The following LAGE3 variants were observed in gnomAD, a reference collection of about 807,000 sequenced individuals.
LAGE3 encodes the protein L antigen family member 3.
Under a neutral mutation model 4.4 loss-of-function variants are expected in LAGE3, and 2 were observed. That is an observed-to-expected ratio of 0.46 (90% confidence interval 0.19 to 1.44). LAGE3 has a LOEUF of 1.44. LAGE3 is among the 40% of genes most tolerant of loss of function. The pLI is 0.26. For synonymous variants in LAGE3, 79 were observed against 60.0 expected (o/e 1.32, Z -1.47); for missense variants, 152 against 138.1 (o/e 1.10, Z -0.51).
chrX:154,478,780 C>T lies in LAGE3; in HGVS notation c.136G>A (p.Gly46Ser), dbSNP rs782717564. Residue 46 changes from glycine (G) to serine (S), a missense_variant, in exon 1 of 3, where the codon GGC becomes AGC. Physicochemically the swap from Gly to Ser is moderately conservative, Grantham distance 56. Coordinates refer to ENST00000357360, the MANE Select transcript of LAGE3 (RefSeq NM_006014.5). Reference protein sequence around the residue: ...GAPPAHAPGPGRDAASAARGS... With the variant: ...GAPPAHAPGPSRDAASAARGS... ...CTGGCCGCAGACGCGGCGTCTCTGCCCGGACCTGGCGCGTGCGCTGGGGGA... is the reference window on the plus strand; with the variant it reads ...CTGGCCGCAGACGCGGCGTCTCTGCTCGGACCTGGCGCGTGCGCTGGGGGA... 1.5e-5 allele frequency: 17 copies of T among 1,134,937 alleles called. 1 individual carries two copies. The South Asian group carries it at 3.1e-4, about 21-fold the overall frequency. 93.5% of individuals were successfully genotyped at this position (1,134,937 alleles called of 1,213,427 possible).
In LAGE3 at chrX:154,478,063, AAGTG is replaced by A. The variant is rs782691932; in HGVS notation, c.318-9_318-6del. On this transcript the variant is annotated splice_region_variant and splice_polypyrimidine_tract_variant and intron_variant, in intron 2 of 2. Transcript: ENST00000357360. ...CAGTCTTCAGCTTTCCAGCGGCTAAAAGTGAGGGGAAAAGAAAATCAAATTGGAG... is the reference window on the plus strand; with the variant it reads ...CAGTCTTCAGCTTTCCAGCGGCTAAAAGGGGAAAAGAAAATCAAATTGGAG... 1.2e-5 allele frequency: 14 copies of A among 1,194,648 alleles called. No homozygotes were observed. In the African/African-American group the frequency reaches 1.9e-4, roughly 16 times the overall value.
At position 154,478,786 on chromosome X, in the gene LAGE3, C is replaced by G. The variant is rs2069254694; in HGVS notation, c.130G>C (p.Gly44Arg). The G allele has an allele frequency of 1.8e-6, 2 of 1,137,338 alleles. No individual in the cohort carries two copies. The highest frequency in any genetic ancestry group is 3.7e-5 in the African/African-American group (2 of 53,789). 93.7% of individuals were successfully genotyped at this position (1,137,338 alleles called of 1,213,427 possible). ...GCAGACGCGGCGTCTCTGCCCGGAC[C>G]TGGCGCGTGCGCTGGGGGAGCTCCA... The part of the protein sequence containing the change: ...AGGAPPAHAP[G>R]PGRDAASAAR... The change falls in exon 1 of 3, where the codon GGT (glycine) becomes CGT (arginine). Residue 44 changes from glycine to arginine, a missense_variant. Physicochemically the swap from Gly to Arg is moderately radical, Grantham distance 125. Transcript: ENST00000357360.
chrX:154,478,741 G>T lies in LAGE3; in HGVS notation c.175C>A (p.Arg59=), dbSNP rs782330486. 223 of 1,087,213 alleles carry T rather than the reference G, an allele frequency of 2.1e-4. 1 individual carries two copies. Among genetic ancestry groups the T allele is most frequent in the Non-Finnish European group, 1.6e-4 (131 of 843,836 alleles). 89.6% of individuals were successfully genotyped at this position (1,087,213 alleles called of 1,213,427 possible). A position where few individuals can be genotyped will look rare whatever the true frequency, so the allele number is the denominator to read the frequency against. ...CGGAAAGGATACAATATGTGCGGCC[G>T]CATTCGTGACCCCCTGGCCGCAGAC... is the stretch of plus-strand genomic sequence containing the variant. ...AASAARGSRM[R]PHIFTLSVPF... The change falls in exon 1 of 3, where the codon CGG becomes AGG. Residue 59 remains arginine, a synonymous_variant. Transcript: ENST00000357360.
In LAGE3 at chrX:154,478,329, T is replaced by G; in HGVS notation, c.271A>C (p.Arg91=). The G allele has an allele frequency of 8.3e-7, 1 of 1,209,773 alleles. No homozygotes were observed. Among genetic ancestry groups the G allele is most frequent in the East Asian group, 3.0e-5 (1 of 33,804 alleles). ...SLAPDAEPHQ[R]VVGKDLTVSG... is the part of the protein sequence containing the mutation. Reference sequence around the variant, plus strand: ...ACTGTGAGATCCTTCCCAACCACCCTTTGGTGGGGCTCGGCATCTGGTGCC... The same window carrying G: ...ACTGTGAGATCCTTCCCAACCACCCGTTGGTGGGGCTCGGCATCTGGTGCC... Residue 91 remains arginine, a synonymous_variant, in exon 2 of 3, where the codon AGG becomes CGG. Coordinates refer to ENST00000357360, the MANE Select transcript of LAGE3 (RefSeq NM_006014.5).
chrX:154,478,905 G>A lies in LAGE3; in HGVS notation c.11C>T (p.Ala4Val), dbSNP rs2069256296. The A allele has an allele frequency of 7.1e-6, 7 of 979,775 alleles. No individual in the cohort carries two copies. Among genetic ancestry groups the A allele is most frequent in the Non-Finnish European group, 9.0e-6 (7 of 774,721 alleles). The allele number at this position is 979,775 out of a possible 1,213,427, so 80.7% of individuals were successfully genotyped here. The stretch of plus-strand genomic sequence containing the variant: ...AGCGCCTCCGCCTGCGTCTGCATCC[G>A]CGTCCCGCATGACCGCCGCCGCGCC... MRD[A>V]DADAGGGADG... The change falls in exon 1 of 3, where the codon GCG becomes GTG. Residue 4 changes from alanine to valine, a missense_variant. Physicochemically the swap from Ala to Val is moderately conservative, Grantham distance 64. Transcript: ENST00000357360.
chrX:154,478,655 C>G, intron 1 of LAGE3, 73 bp downstream of exon 1: 2 of 921,084 alleles, frequency 2.2e-6, no homozygotes, highest in Non-Finnish European at 2.8e-6. Flanking sequence ...CGGCCCCCCG[C>G]CCGCCCTCCT....
At chrX:154,478,140 C>G in intron 2 of LAGE3, 82 bp from the exon 3 acceptor site, 17 of 1,111,030 alleles carry the variant, frequency 1.5e-5, no homozygotes, top group Non-Finnish European at 2.0e-5. Context: ...CCCAATATAG[C>G]AAACCCTTGG....
intron 1 of LAGE3, 81 bp downstream of exon 1, chrX:154,478,632 CTACCCTTTCCGTCGG>C: frequency 1.7e-6 from 1 of 598,994 alleles, no homozygotes; most frequent in Non-Finnish European, 2.3e-6. Flanking sequence ...TCCCCCCCTG[CTACCCTTTCCGTCGG>C]CCCCCCGCCC....
Position 154,478,077 on chromosome X carries a change from G to GA in LAGE3, c.318-20dup, listed in dbSNP as rs782275622. Reference sequence around the variant, plus strand: ...CCAGCGGCTAAAAGTGAGGGGAAAAGAAAATCAAATTGGAGGTGGCAACTC... The same window carrying GA: ...CCAGCGGCTAAAAGTGAGGGGAAAAGAAAAATCAAATTGGAGGTGGCAACTC... On this transcript the variant is annotated intron_variant, in intron 2 of 2. Transcript: ENST00000357360. 5.9e-6 allele frequency: 7 copies of GA among 1,182,874 alleles called. No individual in the cohort carries two copies. The highest frequency in any genetic ancestry group is 8.0e-6 in the Non-Finnish European group (7 of 870,368).
chrX:154,478,788 G>A lies in LAGE3; in HGVS notation c.128C>T (p.Pro43Leu). 8.8e-7 allele frequency: 1 copy of A among 1,138,693 alleles called. No individual in the cohort carries two copies. The highest frequency in any genetic ancestry group is 1.2e-6 in the Non-Finnish European group (1 of 867,275). The allele number at this position is 1,138,693 out of a possible 1,213,427, so 93.8% of individuals were successfully genotyped here. The change falls in exon 1 of 3, where the codon CCA (proline) becomes CTA (leucine). Residue 43 changes from proline (P) to leucine (L), a missense_variant. Physicochemically the swap from Pro to Leu is moderately conservative, Grantham distance 98. Transcript: ENST00000357360. ...PAGGAPPAHA[P>L]GPGRDAASAA... ...AGACGCGGCGTCTCTGCCCGGACCT[G>A]GCGCGTGCGCTGGGGGAGCTCCACC...
At chrX:154,478,092 G>A in intron 2 of LAGE3, 34 bp from the exon 3 acceptor site, 1 of 1,144,158 alleles carries the variant, frequency 8.7e-7, no homozygotes, top group Non-Finnish European at 1.2e-6. Flanking sequence ...TCAAATTGGA[G>A]GTGGCAACTC....
At position 154,478,866 on chromosome X, in the gene LAGE3, C is replaced by T. The variant is rs782788929; in HGVS notation, c.50G>A (p.Gly17Asp). 230 of 1,016,606 alleles carry T rather than the reference C, an allele frequency of 2.3e-4. No homozygotes were observed. The highest frequency in any genetic ancestry group is 2.6e-4 in the Non-Finnish European group (211 of 804,885). The allele number at this position is 1,016,606 out of a possible 1,213,427, so 83.8% of individuals were successfully genotyped here. A position where few individuals can be genotyped will look rare whatever the true frequency, so the allele number is the denominator to read the frequency against. The change falls in exon 1 of 3, where the codon GGC (glycine) becomes GAC (aspartate). Residue 17 changes from glycine (G) to aspartate (D), a missense_variant. Gly to Asp is a moderately conservative substitution (Grantham distance 94). Transcript: ENST00000357360. Reference sequence around the variant, plus strand: ...CCCGCGGCAGCTGTGGCCACCCCGGCCATCCCCGCCGTCAGCGCCTCCGCC... The same window carrying T: ...CCCGCGGCAGCTGTGGCCACCCCGGTCATCCCCGCCGTCAGCGCCTCCGCC... ...DAGGGADGGD[G>D]RGGHSCRGGV...
chrX:154,478,011 T>C lies in LAGE3; in HGVS notation c.365A>G (p.Asn122Ser), dbSNP rs781909146. 2.5e-6 allele frequency: 3 copies of C among 1,212,219 alleles called. No individual in the cohort carries two copies. The highest frequency in any genetic ancestry group is 3.4e-6 in the Non-Finnish European group (3 of 895,497). The change falls in exon 3 of 3, where the codon AAC becomes AGC. Residue 122 changes from asparagine to serine, a missense_variant. By Grantham distance (46) the Asn-to-Ser change is conservative. Coordinates refer to ENST00000357360, the MANE Select transcript of LAGE3 (RefSeq NM_006014.5). ...DCRLLRISVI[N>S]FLDQLSLVVR... Reference sequence around the variant, plus strand: ...CACCAGGGAAAGCTGGTCAAGAAAGTTGATGACGGAAATTCGGAGCAGGCG... The same window carrying C: ...CACCAGGGAAAGCTGGTCAAGAAAGCTGATGACGGAAATTCGGAGCAGGCG...
chrX:154,479,144 ACT>A lies in LAGE3; in HGVS notation c.-231_-230del. 2 of 287,129 alleles carry A rather than the reference ACT, an allele frequency of 7.0e-6. No individual in the cohort carries two copies. The highest frequency in any genetic ancestry group is 2.2e-4 in the South Asian group (1 of 4,512). The allele number at this position is 287,129 out of a possible 1,213,427, so 23.7% of individuals were successfully genotyped here. A position where few individuals can be genotyped will look rare whatever the true frequency, so the allele number is the denominator to read the frequency against. On this transcript the variant is annotated 5_prime_UTR_variant, in exon 1 of 3. Coordinates refer to ENST00000357360, the MANE Select transcript of LAGE3 (RefSeq NM_006014.5). Reference sequence around the variant, plus strand: ...TGAGAGGCTGCGGTTTCCTCCAGAAACTCTGCCCTTTCGCGCGTAACTCGATT... The same window carrying A: ...TGAGAGGCTGCGGTTTCCTCCAGAAACTGCCCTTTCGCGCGTAACTCGATT...
In LAGE3 at chrX:154,478,843, C is replaced by A; in HGVS notation, c.73G>T (p.Gly25Trp). Reference protein sequence around the residue: ...GDGRGGHSCRGGVDTAAAPAG... With the variant: ...GDGRGGHSCRWGVDTAAAPAG... Reference sequence around the variant, plus strand: ...GGAGCTGCGGCTGTGTCCACGCCCCCGCGGCAGCTGTGGCCACCCCGGCCA... The same window carrying A: ...GGAGCTGCGGCTGTGTCCACGCCCCAGCGGCAGCTGTGGCCACCCCGGCCA... Residue 25 changes from glycine to tryptophan, a missense_variant, in exon 1 of 3, where the codon GGG becomes TGG. Coordinates refer to ENST00000357360, the MANE Select transcript of LAGE3 (RefSeq NM_006014.5). 9.4e-7 allele frequency: 1 copy of A among 1,061,480 alleles called. No individual in the cohort carries two copies. The highest frequency in any genetic ancestry group is 1.2e-6 in the Non-Finnish European group (1 of 826,833). 87.5% of individuals were successfully genotyped at this position (1,061,480 alleles called of 1,213,427 possible).
At chrX:154,478,707 C>T (rs1557211406) in intron 1 of LAGE3, 21 bp downstream of exon 1, 1 of 1,080,382 alleles carries the variant, frequency 9.3e-7, no homozygotes, top group Non-Finnish European at 1.2e-6. Context: ...CCGCAAGCAG[C>T]CCCCAGCTCG....
Position 154,478,838 on chromosome X carries a change from GC to G in LAGE3, c.77del (p.Gly26AlafsTer74). ...CGGCCGGAGCTGCGGCTGTGTCCAC[GC>G]CCCCGCGGCAGCTGTGGCCACCCCG... is the stretch of plus-strand genomic sequence containing the variant. ...DGRGGHSCRG[G>X]VDTAAAPAGG... On this transcript the variant is annotated frameshift_variant, in exon 1 of 3. Transcript: ENST00000357360. LOFTEE classifies it high-confidence loss of function. 9.4e-7 allele frequency: 1 copy of G among 1,065,869 alleles called. No individual in the cohort carries two copies. Among genetic ancestry groups the G allele is most frequent in the Non-Finnish European group, 1.2e-6 (1 of 829,354 alleles). 87.8% of individuals were successfully genotyped at this position (1,065,869 alleles called of 1,213,427 possible). A position where few individuals can be genotyped will look rare whatever the true frequency, so the allele number is the denominator to read the frequency against.
chrX:154,478,631 G>A, intron 1 of LAGE3, 97 bp downstream of exon 1: 1 of 678,517 alleles, frequency 1.5e-6, no homozygotes, highest in Non-Finnish European at 1.9e-6. Flanking sequence ...GTCCCCCCCT[G>A]CTACCCTTTC....
At chrX:154,478,439 C>G (rs1327381447) in intron 1 of LAGE3, 28 bp from the exon 2 acceptor site, 6 of 1,164,528 alleles carry the variant, frequency 5.2e-6, no homozygotes, top group Non-Finnish European at 6.9e-6. Flanking sequence ...AAGGTGCCAT[C>G]TGATACGATC....
Sources: gnomAD v4.1 joint callset for allele counts on GRCh38, gnomAD v4.1.1 for gene constraint, MANE v1.5 for transcripts, NCBI Gene and HGNC (gene_info 2026-07-23, HGNC 2026-07-21) for gene names.